Variants in SUGCT observed in about 807,000 individuals in gnomAD.
The protein encoded by SUGCT is succinyl-CoA:glutarate-CoA transferase.
SUGCT carries 41 observed loss-of-function variants against 55.0 expected under a neutral mutation model. The ratio of observed to expected loss-of-function variants is 0.74; its 90% CI spans 0.58 to 0.97. SUGCT has a LOEUF of 0.97. SUGCT is among the 50% of genes least tolerant of loss of function. The pLI is 0.00. For synonymous variants in SUGCT, 187 were observed against 200.4 expected (o/e 0.93, Z 0.56); for missense variants, 568 against 547.8 (o/e 1.04, Z -0.37).
chr7:40,194,521 C>T (rs1426895735), intron 5 of SUGCT, among the ~76,000 whole-genome samples: 2 of 152,240 alleles, frequency 1.3e-5, no homozygotes, highest in Non-Finnish European at 2.9e-5. Flanking sequence ...CTGCCTTGGC[C>T]TCCCAAAGTG....
intron 12 of SUGCT, among the ~76,000 whole-genome samples, chr7:40,662,701 A>C (rs1010221269): frequency 1.3e-5 from 2 of 152,236 alleles, no homozygotes; most frequent in African/African-American, 2.4e-5. Context: ...TTGCATGACT[A>C]TAGAAGCTAA....
At chr7:40,329,991 T>TG (rs1222551359) in intron 9 of SUGCT, among the ~76,000 whole-genome samples, 3 of 152,240 alleles carry the variant, frequency 2.0e-5, no homozygotes, top group Admixed American at 6.5e-5. Context: ...CCCTGTTGCA[T>TG]GGGTTAGTCT....
chr7:40,482,041 A>G (rs1249997565), intron 11 of SUGCT, among the ~76,000 whole-genome samples: 1 of 152,202 alleles, frequency 6.6e-6, no homozygotes, highest in Non-Finnish European at 1.5e-5. Context: ...TGTTCCGTGA[A>G]TAAATATTAA....
chr7:40,721,783 A>G (rs1034202923), intron 12 of SUGCT, among the ~76,000 whole-genome samples: 3 of 152,172 alleles, frequency 2.0e-5, no homozygotes, highest in African/African-American at 7.2e-5. Flanking sequence ...TACAGTGGAG[A>G]TAAAGTTTCT....
chr7:40,971,698 A>G, the SUGCT span, among the ~76,000 whole-genome samples: 114 of 152,232 alleles, frequency 7.5e-4, no homozygotes, highest in Non-Finnish European at 1.5e-3. Context: ...AGTTGTTCTA[A>G]GAGGATCATG....
At chr7:40,403,383 T>C (rs1333418879) in intron 9 of SUGCT, among the ~76,000 whole-genome samples, 1 of 152,158 alleles carries the variant, frequency 6.6e-6, no homozygotes, top group African/African-American at 2.4e-5. Flanking sequence ...CCAAAACACA[T>C]TTGATTAGGG....
At chr7:40,844,685 C>T (rs982913563) in intron 13 of SUGCT, among the ~76,000 whole-genome samples, 6 of 152,220 alleles carry the variant, frequency 3.9e-5, no homozygotes, top group Non-Finnish European at 7.3e-5. Context: ...TTTTGGACCG[C>T]AGGTCCAGGC....
At chr7:40,634,552 C>G (rs895208479) in intron 12 of SUGCT, among the ~76,000 whole-genome samples, 5 of 152,076 alleles carry the variant, frequency 3.3e-5, no homozygotes, top group Non-Finnish European at 7.4e-5. Context: ...AGGGCTGAGG[C>G]AATTGTCAAA....
chr7:40,714,482 G>A (rs2128675775), intron 12 of SUGCT, among the ~76,000 whole-genome samples: 1 of 152,226 alleles, frequency 6.6e-6, no homozygotes, highest in East Asian at 1.9e-4. Flanking sequence ...TGTAGTTTCT[G>A]TTTAAATCTC....
At chr7:40,993,657 G>T in the SUGCT span, among the ~76,000 whole-genome samples, 1 of 152,142 alleles carries the variant, frequency 6.6e-6, no homozygotes, top group Non-Finnish European at 1.5e-5. Context: ...CCATTGGCAA[G>T]CATTTTACCC....
chr7:40,755,478 T>A, intron 13 of SUGCT, among the ~76,000 whole-genome samples: 1 of 152,344 alleles, frequency 6.6e-6, no homozygotes, highest in East Asian at 1.9e-4. Context: ...AGTGGGAAGA[T>A]CTTGCATAAG....
chr7:40,477,146 C>A (rs1186626001), intron 11 of SUGCT, among the ~76,000 whole-genome samples: 1 of 152,138 alleles, frequency 6.6e-6, no homozygotes. Flanking sequence ...GGAAAGATAA[C>A]ATCCTCAAGG....
chr7:40,298,777 A>G (rs1461780560), intron 8 of SUGCT, among the ~76,000 whole-genome samples: 1 of 152,048 alleles, frequency 6.6e-6, no homozygotes, highest in African/African-American at 2.4e-5. Context: ...AGTTCCGTCA[A>G]ATATCTGTAT....
At chr7:40,171,966 CTT>C (rs1784694913) in intron 1 of SUGCT, among the ~76,000 whole-genome samples, 1 of 152,180 alleles carries the variant, frequency 6.6e-6, no homozygotes, top group Non-Finnish European at 1.5e-5. Context: ...GTGTATCTCT[CTT>C]TCTCTCTTTT....
At chr7:40,657,224 G>A (rs995600683) in intron 12 of SUGCT, among the ~76,000 whole-genome samples, 4 of 151,964 alleles carry the variant, frequency 2.6e-5, no homozygotes, top group African/African-American at 9.7e-5. Flanking sequence ...TAGAATTTGT[G>A]GAGATATATA....
At chr7:40,925,032 A>C in the SUGCT span, among the ~76,000 whole-genome samples, 4 of 152,168 alleles carry the variant, frequency 2.6e-5, no homozygotes, top group African/African-American at 9.7e-5. Flanking sequence ...AAGTTTCTCC[A>C]AGTCTGGTGT....
rs528766376 is a variant in SUGCT, at chr7:40,356,327, G to A, written c.816+39472G>A. Among the ~76,000 whole-genome samples the A allele has an allele frequency of 3.3e-5, 5 of 152,204 alleles. No homozygotes were observed. In the East Asian group the frequency reaches 7.7e-4, roughly 24 times the overall value. On this transcript the variant is annotated intron_variant, in intron 9 of 13. Transcript: ENST00000335693. The stretch of plus-strand genomic sequence containing the variant: ...ATTCATTAAACATATTGTCAAATCC[G>A]CAGGAAAAGCCAATTTCCAAAGCTA...
At chr7:41,008,237 C>G in the SUGCT span, among the ~76,000 whole-genome samples, 1 of 152,208 alleles carries the variant, frequency 6.6e-6, no homozygotes, top group East Asian at 1.9e-4. Context: ...CCATTTTCCT[C>G]TAGGAGTTTC....
At chr7:40,480,773 C>A (rs1055827838) in intron 11 of SUGCT, among the ~76,000 whole-genome samples, 1 of 151,564 alleles carries the variant, frequency 6.6e-6, no homozygotes, top group Non-Finnish European at 1.5e-5. Flanking sequence ...TTTGTTACTA[C>A]TGTTCATATA....
Sources: gnomAD v4.1 joint callset for allele counts (sites outside exome capture counted in the v4.1 genomes callset) on GRCh38, gnomAD v4.1.1 for gene constraint, MANE v1.5 for transcripts, NCBI Gene and HGNC (gene_info 2026-07-23, HGNC 2026-07-21) for gene names.